SCAPER: variants seen among roughly 807,000 people sequenced by gnomAD.
SCAPER encodes the protein S phase cyclin A-associated protein in the endoplasmic reticulum.
Under a neutral mutation model 182.2 loss-of-function variants are expected in SCAPER, and 98 were observed. The observed-to-expected ratio is 0.54, with a 90% CI of 0.46 to 0.64. The LOEUF (loss-of-function observed/expected upper bound fraction) is 0.64. Among genes scored for constraint, SCAPER ranks in the 30% least tolerant of loss-of-function variants. The probability of loss-of-function intolerance (pLI) is 0.00; values close to 1 mark genes in which losing one functional copy is unlikely to be tolerated. For synonymous variants in SCAPER, 605 were observed against 564.6 expected (o/e 1.07, Z -1.01); for missense variants, 1,432 against 1,690.0 (o/e 0.85, Z 2.68).
chr15:76,597,287 T>A (rs1359903008), intron 22 of SCAPER, among the ~76,000 whole-genome samples: 1 of 121,482 alleles, frequency 8.2e-6, no homozygotes, highest in African/African-American at 2.5e-5. Context: ...TACAAACCAC[T>A]ACTCCACAAA....
At chr15:76,609,057 T>C (rs1305923344) in intron 22 of SCAPER, among the ~76,000 whole-genome samples, 2 of 152,174 alleles carry the variant, frequency 1.3e-5, no homozygotes, top group African/African-American at 4.8e-5. Flanking sequence ...GCACTCCCCA[T>C]TGAGATGAAC....
intron 24 of SCAPER, among the ~76,000 whole-genome samples, chr15:76,474,212 T>C (rs1203533048): frequency 6.6e-6 from 1 of 152,180 alleles, no homozygotes; most frequent in Non-Finnish European, 1.5e-5. Flanking sequence ...TCAAAATCTT[T>C]ATGGGCAATT....
intron 5 of SCAPER, among the ~76,000 whole-genome samples, chr15:76,833,765 G>A (rs529159848): frequency 6.6e-6 from 1 of 152,304 alleles, no homozygotes; most frequent in East Asian, 1.9e-4. Flanking sequence ...GGACAAAGAA[G>A]AGTATTACAT....
chr15:76,726,124 A>AATATATATATAT (rs765875424), intron 17 of SCAPER, among the ~76,000 whole-genome samples: 7 of 15,344 alleles, frequency 4.6e-4, no homozygotes, highest in Non-Finnish European at 1.2e-3. Context: ...TAATGTCTAG[A>AATATATATATAT]ATATATATAT....
At chr15:76,735,515 C>A (rs887405359) in intron 15 of SCAPER, among the ~76,000 whole-genome samples, 10 of 148,586 alleles carry the variant, frequency 6.7e-5, no homozygotes, top group African/African-American at 2.5e-4. Context: ...CTGGCCAACA[C>A]AGTGAAACCT....
At chr15:76,676,660 T>A (rs1038127086) in intron 20 of SCAPER, among the ~76,000 whole-genome samples, 1 of 151,930 alleles carries the variant, frequency 6.6e-6, no homozygotes, top group Non-Finnish European at 1.5e-5. Flanking sequence ...TGCATTGAGA[T>A]GATACTATAT....
chr15:76,470,203 A>G (rs192215259), intron 25 of SCAPER, among the ~76,000 whole-genome samples: 5 of 152,308 alleles, frequency 3.3e-5, no homozygotes, highest in Admixed American at 2.0e-4. Flanking sequence ...GCCAGGTCCT[A>G]TGTTAGAATC....
intron 2 of SCAPER, among the ~76,000 whole-genome samples, chr15:76,866,934 T>C (rs573352183): frequency 6.6e-6 from 1 of 152,232 alleles, no homozygotes; most frequent in African/African-American, 2.4e-5. Context: ...TGTATGGAGA[T>C]TTTACAGAGG....
intron 16 of SCAPER, among the ~76,000 whole-genome samples, chr15:76,731,182 A>C (rs144272154): frequency 6.6e-6 from 1 of 152,312 alleles, no homozygotes; most frequent in East Asian, 1.9e-4. Flanking sequence ...GGAAAGAATT[A>C]AAACTTACAG....
intron 23 of SCAPER, among the ~76,000 whole-genome samples, chr15:76,535,069 T>C (rs752430862): frequency 1.3e-5 from 2 of 152,026 alleles, no homozygotes; most frequent in Non-Finnish European, 2.9e-5. Flanking sequence ...TACAGAAACA[T>C]AGGGCTTAAC....
At chr15:76,860,974 AC>A in intron 3 of SCAPER, among the ~76,000 whole-genome samples, 1 of 152,252 alleles carries the variant, frequency 6.6e-6, no homozygotes, top group South Asian at 2.1e-4. Flanking sequence ...GAGTAACTGT[AC>A]CCCATTAAAT....
chr15:76,719,892 T>C (rs561140771), intron 17 of SCAPER, among the ~76,000 whole-genome samples: 2 of 152,194 alleles, frequency 1.3e-5, no homozygotes, highest in African/African-American at 4.8e-5. Flanking sequence ...CAGAATTTAT[T>C]GTGGTTGCTG....
intron 17 of SCAPER, among the ~76,000 whole-genome samples, chr15:76,720,660 T>G (rs75291091): frequency 0.38 from 57,867 of 152,118 alleles, 13,061 homozygotes; most frequent in Middle Eastern, 0.53. Flanking sequence ...GGTTTTGATT[T>G]GCATTTCTCT....
At chr15:76,711,710 T>C (rs2059580734) in intron 17 of SCAPER, among the ~76,000 whole-genome samples, 2 of 152,218 alleles carry the variant, frequency 1.3e-5, no homozygotes, top group African/African-American at 4.8e-5. Context: ...CTTTTTCATG[T>C]GGTTTTTGGC....
At chr15:76,884,553 ACT>A (rs921354049) in intron 1 of SCAPER, among the ~76,000 whole-genome samples, 1 of 152,148 alleles carries the variant, frequency 6.6e-6, no homozygotes, top group African/African-American at 2.4e-5. Flanking sequence ...AAATGACCTA[ACT>A]CTGTATGAAG....
At chr15:76,376,062 A>C in intron 29 of SCAPER, 100 bp downstream of exon 29, 3 of 1,429,458 alleles carry the variant, frequency 2.1e-6, no homozygotes, top group Non-Finnish European at 2.9e-6. Flanking sequence ...TTTACAGAGG[A>C]CATTTGGGTT....
chr15:76,782,943 T>C (rs1019611159), intron 8 of SCAPER, among the ~76,000 whole-genome samples: 56 of 152,204 alleles, frequency 3.7e-4, no homozygotes, highest in African/African-American at 1.3e-3. Context: ...AGATCTAAAA[T>C]TGACACCCTA....
chr15:76,667,972 C>A (rs571235188), intron 20 of SCAPER, among the ~76,000 whole-genome samples: 5 of 147,360 alleles, frequency 3.4e-5, no homozygotes, highest in South Asian at 2.1e-4. Context: ...AAAAAAAAAA[C>A]AAAAAAAAGT....
chr15:76,798,388 A>G (rs2065495136), intron 7 of SCAPER, among the ~76,000 whole-genome samples: 1 of 151,804 alleles, frequency 6.6e-6, no homozygotes, highest in Non-Finnish European at 1.5e-5. Flanking sequence ...AAGAAAAAGA[A>G]AAAGAAAAAA....
Sources: allele counts gnomAD v4.1 joint callset (sites outside exome capture counted in the v4.1 genomes callset), GRCh38; gene constraint gnomAD v4.1.1; transcripts MANE v1.5; gene names NCBI Gene and HGNC (gene_info 2026-07-23, HGNC 2026-07-21).